PLXNA4: variants seen among roughly 807,000 people sequenced by gnomAD.
The protein encoded by PLXNA4 is plexin A4.
Under a neutral mutation model 191.8 loss-of-function variants are expected in PLXNA4, and 44 were observed. That is an observed-to-expected ratio of 0.23 (90% CI 0.18 to 0.29). The LOEUF (loss-of-function observed/expected upper bound fraction) is 0.29, where lower values mean the gene tolerates loss of function less well. PLXNA4 is among the 10% of genes least tolerant of loss of function. The pLI, the probability that PLXNA4 is intolerant of heterozygous loss-of-function variation, is 1.00. For missense variants in PLXNA4, 1,800 were observed against 2,488.8 expected (o/e 0.72, Z 5.89); for synonymous variants, 1,082 against 1,009.5 (o/e 1.07, Z -1.36).
At chr7:132,203,030 A>T (rs1470946306) in intron 11 of PLXNA4, among the ~76,000 whole-genome samples, 194 bp from the exon 12 acceptor site, 1 of 152,156 alleles carries the variant, frequency 6.6e-6, no homozygotes, top group African/African-American at 2.4e-5. Flanking sequence ...CTGAAATGGG[A>T]AGCTCTGGGG....
chr7:132,349,942 T>C (rs1029873314), intron 3 of PLXNA4, among the ~76,000 whole-genome samples: 3 of 152,122 alleles, frequency 2.0e-5, no homozygotes, highest in African/African-American at 7.2e-5. Context: ...ATTCCCATTG[T>C]ACCATCCCAA....
chr7:132,255,487 A>C lies in PLXNA4; in HGVS notation c.1504-14321T>G, dbSNP rs145299904. Among the ~76,000 whole-genome samples the C allele has an allele frequency of 1.2e-4, 19 of 152,356 alleles. No individual in the cohort carries two copies. The East Asian group carries it at 3.7e-3, about 29-fold the overall frequency. On this transcript the variant is annotated intron_variant, in intron 4 of 31. Coordinates refer to ENST00000321063, the MANE Select transcript of PLXNA4 (RefSeq NM_020911.2). ...CTTTTGGGTTTGCTTTTCCTGGGAC[A>C]GACAACATTCACGTTAATGCAAAGT...
At chr7:132,202,887 A>G in intron 11 of PLXNA4, 51 bp from the exon 12 acceptor site, 1 of 1,456,804 alleles carries the variant, frequency 6.9e-7, no homozygotes, top group Non-Finnish European at 9.1e-7. Context: ...GGCAGTGGGG[A>G]CAGAAGGGGC....
intron 3 of PLXNA4, among the ~76,000 whole-genome samples, chr7:132,300,539 C>A (rs917083204): frequency 2.0e-5 from 3 of 152,228 alleles, no homozygotes. Context: ...TGGTTAGTGT[C>A]AAAAATGGAA....
At chr7:132,145,597 C>T in intron 28 of PLXNA4, 1 of 361,484 alleles carries the variant, frequency 2.8e-6, no homozygotes, top group South Asian at 2.7e-5. Context: ...TTCACAAATG[C>T]TAATGAACAC....
chr7:132,518,105 G>C (rs112778240), intron 1 of PLXNA4, among the ~76,000 whole-genome samples: 1 of 152,040 alleles, frequency 6.6e-6, no homozygotes, highest in African/African-American at 2.4e-5. Flanking sequence ...CATGCAGCTC[G>C]CTACAGTCTG....
At chr7:132,647,751 C>T (rs1803905850) in intron 1 of PLXNA4, among the ~76,000 whole-genome samples, 1 of 147,460 alleles carries the variant, frequency 6.8e-6, no homozygotes, top group Non-Finnish European at 1.5e-5. Flanking sequence ...CAATTACACA[C>T]ATACATATAC....
chr7:132,184,729 C>G (rs1796820122), intron 16 of PLXNA4, among the ~76,000 whole-genome samples: 1 of 125,096 alleles, frequency 8.0e-6, no homozygotes, highest in Non-Finnish European at 1.6e-5. Context: ...GTGCATCTGG[C>G]TGGGCACTGG....
chr7:132,525,292 G>A lies in PLXNA4; in HGVS notation c.-86-16513C>T, dbSNP rs990980229. Among the ~76,000 whole-genome samples, 4 of 152,196 alleles carry A rather than the reference G, an allele frequency of 2.6e-5. No individual in the cohort carries two copies. The South Asian group carries it at 6.2e-4, about 24-fold the overall frequency. On this transcript the variant is annotated intron_variant, in intron 1 of 31. Transcript: ENST00000321063. ...TGAGAGACTCGGTCTCGCTGTCACC[G>A]AGGCTGGCATGCAGTGGCATAATCA...
chr7:132,480,620 C>T (rs1170801539), intron 3 of PLXNA4, among the ~76,000 whole-genome samples: 2 of 152,014 alleles, frequency 1.3e-5, no homozygotes, highest in African/African-American at 4.8e-5. Flanking sequence ...GTCCCACAGG[C>T]TCTAGGAGGG....
At chr7:132,585,981 C>G (rs547911199) in intron 2 of PLXNA4, among the ~76,000 whole-genome samples, 28 of 152,286 alleles carry the variant, frequency 1.8e-4, no homozygotes, top group Middle Eastern at 3.4e-3. Context: ...TCTAACTCAA[C>G]AAGGCTGTGA....
intron 4 of PLXNA4, among the ~76,000 whole-genome samples, chr7:132,274,935 T>A (rs192152968): frequency 6.6e-6 from 1 of 152,208 alleles, no homozygotes; most frequent in East Asian, 1.9e-4. Context: ...ATTGTCATGA[T>A]GTTGTCAAGT....
intron 3 of PLXNA4, among the ~76,000 whole-genome samples, chr7:132,353,254 C>A (rs1360737090): frequency 6.6e-6 from 1 of 152,272 alleles, no homozygotes; most frequent in East Asian, 1.9e-4. Flanking sequence ...TTTTATGGCT[C>A]CATCCCAGAA....
chr7:132,578,910 G>A (rs1802347822), upstream of PLXNA4, among the ~76,000 whole-genome samples: 2 of 152,268 alleles, frequency 1.3e-5, 1 homozygote, highest in South Asian at 4.1e-4. Context: ...CACAATATCA[G>A]GTTAGTTTCA....
chr7:132,528,939 T>C (rs1799515922), intron 1 of PLXNA4, among the ~76,000 whole-genome samples: 1 of 152,240 alleles, frequency 6.6e-6, no homozygotes, highest in African/African-American at 2.4e-5. Context: ...GCTACAGCTG[T>C]GCTCGCTGAT....
At chr7:132,159,683 G>A (rs1262330504) in intron 24 of PLXNA4, 51 bp from the exon 25 acceptor site, 6 of 1,604,306 alleles carry the variant, frequency 3.7e-6, no homozygotes, top group Non-Finnish European at 5.1e-6. Flanking sequence ...AGCAGGAAAA[G>A]CTCCTAGATC....
intron 3 of PLXNA4, among the ~76,000 whole-genome samples, chr7:132,485,270 C>T (rs1252481155): frequency 6.6e-6 from 1 of 152,176 alleles, no homozygotes; most frequent in African/African-American, 2.4e-5. Flanking sequence ...AACATCCATA[C>T]AGCGCTCCAC....
intron 3 of PLXNA4, among the ~76,000 whole-genome samples, chr7:132,372,643 G>T (rs952222823): frequency 6.6e-6 from 1 of 152,226 alleles, no homozygotes; most frequent in African/African-American, 2.4e-5. Context: ...CTGGAAACCA[G>T]CATGATGCAT....
chr7:132,151,512 A>G (rs1361856483), intron 25 of PLXNA4, among the ~76,000 whole-genome samples: 106 of 16,674 alleles, frequency 6.4e-3, no homozygotes, highest in East Asian at 0.011. Context: ...GGAGGAGGAG[A>G]AAGGAGGAGG....
Sources: gnomAD v4.1 joint callset for allele counts (sites outside exome capture counted in the v4.1 genomes callset) on GRCh38, gnomAD v4.1.1 for gene constraint, MANE v1.5 for transcripts, NCBI Gene and HGNC (gene_info 2026-07-23, HGNC 2026-07-21) for gene names.